The following LRRTM4 variants were observed in gnomAD, a reference collection of about 807,000 sequenced individuals.
The protein encoded by LRRTM4 is leucine rich repeat transmembrane neuronal 4, also known as leucine-rich repeat transmembrane neuronal protein 4.
A neutral mutation model predicts 47.6 loss-of-function variants in LRRTM4; 25 were observed. The observed-to-expected ratio is 0.53, with a 90% confidence interval of 0.38 to 0.73. LRRTM4 has a LOEUF of 0.73. LRRTM4 is among the 30% of genes least tolerant of loss of function. The probability of loss-of-function intolerance (pLI) is 0.00; values close to 1 mark genes in which losing one functional copy is unlikely to be tolerated. For synonymous variants in LRRTM4, 311 were observed against 269.5 expected (o/e 1.15, Z -1.51); for missense variants, 638 against 713.4 (o/e 0.89, Z 1.20).
chr2:77,074,776 G>A (rs1680277365), intron 3 of LRRTM4, among the ~76,000 whole-genome samples: 1 of 152,144 alleles, frequency 6.6e-6, no homozygotes, highest in Non-Finnish European at 1.5e-5. Context: ...GTGGACAAAG[G>A]TAAGAATAGA....
intron 3 of LRRTM4, among the ~76,000 whole-genome samples, chr2:77,065,474 C>G (rs72807203): frequency 1.3e-5 from 2 of 151,950 alleles, no homozygotes; most frequent in Non-Finnish European, 2.9e-5. Context: ...TCAACATTGC[C>G]GTAGAGGATG....
At chr2:76,804,079 G>A (rs1313363378) in intron 3 of LRRTM4, among the ~76,000 whole-genome samples, 1 of 152,076 alleles carries the variant, frequency 6.6e-6, no homozygotes, top group African/African-American at 2.4e-5. Flanking sequence ...AAGTTACTCC[G>A]AGTGCTGTTT....
intron 3 of LRRTM4, among the ~76,000 whole-genome samples, chr2:77,410,414 A>G (rs1674373605): frequency 6.6e-6 from 1 of 152,168 alleles, no homozygotes; most frequent in South Asian, 2.1e-4. Context: ...CTTAAGCCCT[A>G]AAGATTTTGG....
chr2:76,839,824 A>G (rs1312015689), intron 3 of LRRTM4, among the ~76,000 whole-genome samples: 2 of 152,156 alleles, frequency 1.3e-5, no homozygotes, highest in East Asian at 1.9e-4. Flanking sequence ...TAAATCTTGT[A>G]AAAATGCATA....
intron 3 of LRRTM4, among the ~76,000 whole-genome samples, chr2:77,290,720 C>T (rs1389102074): frequency 3.3e-5 from 5 of 151,958 alleles, no homozygotes; most frequent in Non-Finnish European, 1.5e-5. Context: ...TTAAGTCCAA[C>T]CTCTAGGATT....
chr2:77,241,653 A>G (rs1286873372), intron 3 of LRRTM4, among the ~76,000 whole-genome samples: 1 of 152,158 alleles, frequency 6.6e-6, no homozygotes, highest in Non-Finnish European at 1.5e-5. Context: ...ATCTTTGAAT[A>G]TACATAATTA....
At chr2:77,059,334 A>G (rs192193754) in intron 3 of LRRTM4, among the ~76,000 whole-genome samples, 74 of 152,202 alleles carry the variant, frequency 4.9e-4, no homozygotes, top group Non-Finnish European at 8.4e-4. Flanking sequence ...TAATTCTTTC[A>G]GTAGAGTTGT....
At chr2:76,894,382 T>C (rs1464226611) in intron 3 of LRRTM4, among the ~76,000 whole-genome samples, 1 of 152,062 alleles carries the variant, frequency 6.6e-6, no homozygotes, top group Non-Finnish European at 1.5e-5. Context: ...ACTCATATAA[T>C]CTACTATATC....
At chr2:77,075,027 GTC>G (rs1045133480) in intron 3 of LRRTM4, among the ~76,000 whole-genome samples, 39 of 152,194 alleles carry the variant, frequency 2.6e-4, no homozygotes, top group African/African-American at 3.9e-4. Flanking sequence ...AACCAAAACT[GTC>G]TCTGAGACAC....
intron 3 of LRRTM4, among the ~76,000 whole-genome samples, chr2:77,072,909 T>C (rs1680209520): frequency 1.3e-5 from 2 of 151,948 alleles, no homozygotes; most frequent in East Asian, 1.9e-4. Flanking sequence ...ATAGAAGACT[T>C]TGGAAGATGA....
At chr2:77,480,833 G>A (rs1343111015) in intron 3 of LRRTM4, among the ~76,000 whole-genome samples, 1 of 49,094 alleles carries the variant, frequency 2.0e-5, no homozygotes, top group Non-Finnish European at 4.7e-5. Context: ...GAGAGAGAGA[G>A]AGAGAGAGAG....
rs1348118685 is a variant in LRRTM4 at position 77,518,296 on chromosome 2, TTAGGAGGA to T, written c.1551+14_1551+21del. On this transcript the variant is annotated intron_variant, in intron 3 of 3. Coordinates refer to ENST00000409884, the MANE Select transcript of LRRTM4 (RefSeq NM_001134745.3). ...CTCCTTCCCCGCAGTAGAAATGCTT[TTAGGAGGA>T]TCATGGTTCATACCTCACATTCCCT... is the stretch of plus-strand genomic sequence containing the variant. 1.3e-6 allele frequency: 2 copies of T among 1,569,096 alleles called. No homozygotes were observed. The highest frequency in any genetic ancestry group is 3.7e-5 in the Admixed American group (2 of 54,382).
intron 3 of LRRTM4, among the ~76,000 whole-genome samples, chr2:77,317,841 A>T (rs1677660882): frequency 6.6e-6 from 1 of 152,144 alleles, no homozygotes; most frequent in African/African-American, 2.4e-5. Context: ...AAGAAAAAGC[A>T]CTTCACATCT....
In LRRTM4 at chr2:77,467,515, AC is replaced by A. The variant is rs111476413; in HGVS notation, c.1551+50802del. 5.8e-4 allele frequency among the ~76,000 whole-genome samples: 89 copies of A among 152,320 alleles called. 1 individual carries two copies. Among genetic ancestry groups the A allele is most frequent in the African/African-American group, 2.0e-3 (84 of 41,580 alleles). On this transcript the variant is annotated intron_variant, in intron 3 of 3. Coordinates refer to ENST00000409884, the MANE Select transcript of LRRTM4 (RefSeq NM_001134745.3). ...CCCAATAGTACACATACTCACTTAC[AC>A]ATTTATGAGTGCACATGTGTACATG... is the stretch of plus-strand genomic sequence containing the variant.
intron 3 of LRRTM4, among the ~76,000 whole-genome samples, chr2:77,086,529 G>A (rs959057915): frequency 6.7e-6 from 1 of 149,908 alleles, no homozygotes; most frequent in Admixed American, 6.7e-5. Context: ...CCAGGCTGGA[G>A]GGCAATGGCA....
At position 77,366,319 on chromosome 2, in the gene LRRTM4, C is replaced by T. The variant is rs532041824; in HGVS notation, c.1551+151999G>A. Among the ~76,000 whole-genome samples, 16 of 151,932 alleles carry T rather than the reference C, an allele frequency of 1.1e-4. No homozygotes were observed. In the East Asian group the frequency reaches 1.4e-3, roughly 13 times the overall value. ...TCTTTTTACCTTGACTTCCAAGACA[C>T]GTTTTTGTCCCTATTTTTCTCTAGT... On this transcript the variant is annotated intron_variant, in intron 3 of 3. Transcript: ENST00000409884.
At chr2:76,782,679 TTTTTTTCTATA>T (rs2104166572) in intron 3 of LRRTM4, among the ~76,000 whole-genome samples, 1 of 152,280 alleles carries the variant, frequency 6.6e-6, no homozygotes, top group African/African-American at 2.4e-5. Context: ...CTTTTTCTGA[TTTTTTTCTATA>T]TTTTACAGTT....
At chr2:76,776,755 T>G (rs1674017834) in intron 3 of LRRTM4, among the ~76,000 whole-genome samples, 1 of 143,232 alleles carries the variant, frequency 7.0e-6, no homozygotes, top group African/African-American at 2.6e-5. Context: ...AGAAGCTCTT[T>G]AGTTTAATTA....
At chr2:77,151,813 A>G (rs1449099783) in intron 3 of LRRTM4, among the ~76,000 whole-genome samples, 1 of 152,196 alleles carries the variant, frequency 6.6e-6, no homozygotes, top group East Asian at 1.9e-4. Context: ...GTTGTTGACT[A>G]TAATGCAGAT....
Sources: gnomAD v4.1 joint callset for allele counts (sites outside exome capture counted in the v4.1 genomes callset) on GRCh38, gnomAD v4.1.1 for gene constraint, MANE v1.5 for transcripts, NCBI Gene and HGNC (gene_info 2026-07-23, HGNC 2026-07-21) for gene names.